CDC73: variants seen among roughly 807,000 people sequenced by gnomAD.
CDC73 encodes parafibromin.
A neutral mutation model predicts 83.7 loss-of-function variants in CDC73; 21 were observed. The observed-to-expected ratio is 0.25, with a 90% CI of 0.18 to 0.36. The LOEUF (loss-of-function observed/expected upper bound fraction) is 0.36. Ranked by LOEUF, CDC73 falls within the 10% of genes least tolerant of loss-of-function variation. CDC73 has a pLI of 1.00. For missense variants in CDC73, 342 were observed against 653.3 expected (o/e 0.52, Z 5.19); for synonymous variants, 224 against 212.9 (o/e 1.05, Z -0.45).
chr1:193,182,333 T>G (rs1381863314), intron 10 of CDC73, among the ~76,000 whole-genome samples: 1 of 152,166 alleles, frequency 6.6e-6, no homozygotes, highest in Non-Finnish European at 1.5e-5. Flanking sequence ...TTTCAAAAAT[T>G]TTAACTTTTC....
At chr1:193,234,059 A>G (rs903734716) in intron 14 of CDC73, among the ~76,000 whole-genome samples, 1 of 149,656 alleles carries the variant, frequency 6.7e-6, no homozygotes, top group African/African-American at 2.5e-5. Flanking sequence ...GAAAATTGCA[A>G]CCAGGGGGCA....
intron 11 of CDC73, among the ~76,000 whole-genome samples, chr1:193,204,247 A>ATGTGTGTG (rs1233894531): frequency 5.7e-5 from 7 of 123,046 alleles, no homozygotes; most frequent in African/African-American, 2.3e-4. Context: ...ACGTATATAT[A>ATGTGTGTG]TGTGTATGTG....
intron 13 of CDC73, among the ~76,000 whole-genome samples, chr1:193,214,561 CA>C (rs1417931569): frequency 1.3e-5 from 2 of 151,504 alleles, no homozygotes; most frequent in African/African-American, 2.4e-5. Context: ...ACTAAAAATA[CA>C]AAAAAAATTA....
chr1:193,215,256 A>G (rs901152087), intron 13 of CDC73, among the ~76,000 whole-genome samples: 2 of 152,224 alleles, frequency 1.3e-5, no homozygotes, highest in African/African-American at 4.8e-5. Flanking sequence ...GTGATTTTTC[A>G]TAGTATATAA....
chr1:193,160,107 G>A (rs1676283840), intron 10 of CDC73, among the ~76,000 whole-genome samples: 1 of 152,050 alleles, frequency 6.6e-6, no homozygotes, highest in Admixed American at 6.6e-5. Context: ...ACTCAATTTA[G>A]CTTTGCATTT....
At position 193,122,165 on chromosome 1, in the gene CDC73, C is replaced by T. The variant is rs2103111418; in HGVS notation, c.-36C>T. 1 of 1,604,478 alleles carries T rather than the reference C, an allele frequency of 6.2e-7. No homozygotes were observed. On this transcript the variant is annotated 5_prime_UTR_variant, in exon 1 of 17. Coordinates refer to ENST00000367435, the MANE Select transcript of CDC73 (RefSeq NM_024529.5). ...AAGGAGGCAGGCGCGGCGGCAGCGG[C>T]GGCGCCCCGAGCCGGCGGAGGCGAG...
chr1:193,224,286 A>G (rs1677522689), intron 13 of CDC73, among the ~76,000 whole-genome samples: 1 of 152,018 alleles, frequency 6.6e-6, no homozygotes, highest in Admixed American at 6.6e-5. Flanking sequence ...GCATAAAGTC[A>G]TAGTTTTTAA....
rs1314426025 is a variant in CDC73, at chr1:193,252,254, TCTTTC to T, written c.*1546_*1550del. 2 of 230,746 alleles carry T rather than the reference TCTTTC, an allele frequency of 8.7e-6. No homozygotes were observed. The highest frequency in any genetic ancestry group is 4.4e-5 in the African/African-American group (2 of 45,232). The allele number at this position is 230,746 out of a possible 1,614,324, so 14.3% of individuals were successfully genotyped here. On this transcript the variant is annotated 3_prime_UTR_variant, in exon 17 of 17. Transcript: ENST00000367435. The stretch of plus-strand genomic sequence containing the variant: ...CTATTTTCCTCCCTTTTTAGCGTCT[TCTTTC>T]CTTAAAGATAAAAGAAAACTCAAAT...
At position 193,212,074 on chromosome 1, in the gene CDC73, C is replaced by T. The variant is rs1677289364; in HGVS notation, c.1040C>T (p.Ala347Val). 6.3e-7 allele frequency: 1 copy of T among 1,584,706 alleles called. No individual in the cohort carries two copies. Among genetic ancestry groups the T allele is most frequent in the South Asian group, 1.1e-5 (1 of 88,086 alleles). ...AQPVPRPVSQ[A>V]RPPPNQKKGS... ...TTTTTCTTTTTCACAGTTTCTCAAG[C>T]AAGACCTCCCCCAAATCAGAAGAAA... The change falls in exon 12 of 17, where the codon GCA (alanine) becomes GTA (valine). Residue 347 changes from alanine (A) to valine (V), a missense_variant. By Grantham distance (64) the Ala-to-Val change is moderately conservative (BLOSUM62 0). Around this residue, in one of 3 missense-constraint regions of CDC73, gnomAD observed 239 missense variants for 420.6 expected, o/e 0.57. Coordinates refer to ENST00000367435, the MANE Select transcript of CDC73 (RefSeq NM_024529.5).
intron 3 of CDC73, among the ~76,000 whole-genome samples, chr1:193,130,987 TTTATC>T (rs1323006032): frequency 6.6e-6 from 1 of 152,228 alleles, no homozygotes; most frequent in East Asian, 1.9e-4. Context: ...GATCTTTTTT[TTTATC>T]TTTTCTTTTA....
intron 11 of CDC73, among the ~76,000 whole-genome samples, chr1:193,204,787 C>T (rs1320380019): frequency 2.6e-5 from 4 of 152,060 alleles, no homozygotes; most frequent in African/African-American, 4.8e-5. Flanking sequence ...TGTTTTAAAA[C>T]ATTTTTAAAA....
At chr1:193,194,803 G>A (rs980665625) in intron 10 of CDC73, among the ~76,000 whole-genome samples, 17 of 151,940 alleles carry the variant, frequency 1.1e-4, no homozygotes, top group African/African-American at 3.6e-4. Context: ...TTTGTGATTT[G>A]TATCACCTTT....
rs747029632 is a variant in CDC73 at position 193,171,616 on chromosome 1, C to T, written c.972+19172C>T. ...CAGTCCCTCTCATGCTTTGACTCTC[C>T]CTTGTTCTTCTTCTCTTCTGCTGTG... On this transcript the variant is annotated intron_variant, in intron 10 of 16. Transcript: ENST00000367435. Among the ~76,000 whole-genome samples, 213 of 152,204 alleles carry T rather than the reference C, an allele frequency of 1.4e-3. 3 individuals carry two copies. Among genetic ancestry groups the T allele is most frequent in the Non-Finnish European group, 6.5e-4 (44 of 68,008 alleles).
chr1:193,226,778 TC>T (rs1218800086), intron 13 of CDC73, among the ~76,000 whole-genome samples: 4 of 152,160 alleles, frequency 2.6e-5, no homozygotes, highest in African/African-American at 9.7e-5. Context: ...TCTGTAGTTT[TC>T]TTTTTTGGTT....
At chr1:193,225,342 A>G (rs149088278) in intron 13 of CDC73, among the ~76,000 whole-genome samples, 4 of 151,494 alleles carry the variant, frequency 2.6e-5, no homozygotes, top group East Asian at 1.9e-4. Context: ...CATTTTTGCA[A>G]TTGCGAATTG....
In CDC73 at chr1:193,242,438, C is replaced by T. The variant is rs148966901; in HGVS notation, c.1417+6082C>T. 2.5e-3 allele frequency among the ~76,000 whole-genome samples: 379 copies of T among 152,296 alleles called. 3 individuals carry two copies. Among genetic ancestry groups the T allele is most frequent in the African/African-American group, 8.7e-3 (360 of 41,574 alleles). Reference sequence around the variant, plus strand: ...GTGAGCCCATCCTGGCTTCCCTTCTCCTTCCTTGCCTTAGGTGTTTCTGCT... The same window carrying T: ...GTGAGCCCATCCTGGCTTCCCTTCTTCTTCCTTGCCTTAGGTGTTTCTGCT... On this transcript the variant is annotated intron_variant, in intron 15 of 16. Coordinates refer to ENST00000367435, the MANE Select transcript of CDC73 (RefSeq NM_024529.5).
At chr1:193,159,383 G>A (rs141375776) in intron 10 of CDC73, among the ~76,000 whole-genome samples, 1,861 of 151,990 alleles carry the variant, frequency 0.012, 19 homozygotes, top group South Asian at 0.034. Flanking sequence ...TTTTATTACT[G>A]TTTTTGAGAT....
At chr1:193,183,469 G>C (rs6428154) in intron 10 of CDC73, among the ~76,000 whole-genome samples, 107,097 of 148,038 alleles carry the variant, frequency 0.72, 39,005 homozygotes, top group South Asian at 0.82. Flanking sequence ...CTCAGCATTA[G>C]TGTAATGAAA....
intron 10 of CDC73, among the ~76,000 whole-genome samples, chr1:193,166,115 T>G (rs1357730585): frequency 6.6e-6 from 1 of 152,222 alleles, no homozygotes; most frequent in African/African-American, 2.4e-5. Flanking sequence ...GAGTCAGGTA[T>G]GAGCAAAAGT....
Sources: gnomAD v4.1 joint callset for allele counts (sites outside exome capture counted in the v4.1 genomes callset) on GRCh38, gnomAD v4.1.1 for gene constraint, gnomAD v4.1.1 regional missense constraint, MANE v1.5 for transcripts, NCBI Gene and HGNC (gene_info 2026-07-23, HGNC 2026-07-21) for gene names.